REV3L: variants seen among roughly 807,000 people sequenced by gnomAD.
REV3L encodes the protein REV3 like, DNA directed polymerase zeta catalytic subunit.
A neutral mutation model predicts 299.4 loss-of-function variants in REV3L; 69 were observed. The observed-to-expected ratio is 0.23, with a 90% CI of 0.19 to 0.28. The LOEUF is 0.28. Ranked by LOEUF, REV3L falls within the 10% of genes least tolerant of loss-of-function variation. The probability of loss-of-function intolerance (pLI) is 1.00; values close to 1 mark genes in which losing one functional copy is unlikely to be tolerated. For missense variants in REV3L, 3,128 were observed against 3,693.8 expected (o/e 0.85, Z 3.97); for synonymous variants, 1,238 against 1,271.4 (o/e 0.97, Z 0.56).
chr6:111,341,995 GCCTTTGCC>G (rs1776541741), intron 21 of REV3L, among the ~76,000 whole-genome samples: 2 of 151,910 alleles, frequency 1.3e-5, no homozygotes, highest in Admixed American at 1.3e-4. Flanking sequence ...AAAAACAGAG[GCCTTTGCC>G]CTAGAGAAAG....
intron 6 of REV3L, 113 bp from the exon 7 acceptor site, chr6:111,389,323 G>T: frequency 2.6e-6 from 2 of 768,260 alleles, no homozygotes; most frequent in Non-Finnish European, 4.3e-6. Context: ...CATATTTTGT[G>T]TAATAAAGTG....
intron 1 of REV3L, among the ~76,000 whole-genome samples, chr6:111,449,401 C>CAA (rs35443222): frequency 0.61 from 92,344 of 151,860 alleles, 31,961 homozygotes; most frequent in Non-Finnish European, 0.78. Flanking sequence ...AAGAGAACTG[C>CAA]AGAGACAGAC....
chr6:111,447,258 G>GA (rs1788971838), intron 1 of REV3L, among the ~76,000 whole-genome samples: 1 of 152,150 alleles, frequency 6.6e-6, no homozygotes, highest in South Asian at 2.1e-4. Flanking sequence ...GATGTGTTCT[G>GA]AATCACCAGT....
chr6:111,373,759 T>C lies in REV3L; in HGVS notation c.4596A>G (p.Glu1532=), dbSNP rs201564932. The change falls in exon 13 of 32, where the codon GAA becomes GAG. Residue 1532 remains glutamate (E), a synonymous_variant. Coordinates refer to ENST00000368802, the MANE Select transcript of REV3L (RefSeq NM_001372078.1). ...CTTTCTGCTGTCTTTTTTGTAACAA[T>C]TCTTTTAGAACTGCCAGTCCAGACT... ...EGQSGLAVLK[E]LLQKRQQKAQ... 2.2e-4 allele frequency: 359 copies of C among 1,614,070 alleles called. 4 individuals carry two copies. In the South Asian group the frequency reaches 3.1e-3, roughly 14 times the overall value.
intron 31 of REV3L, among the ~76,000 whole-genome samples, chr6:111,301,513 A>G (rs560007827): frequency 6.6e-5 from 10 of 152,272 alleles, no homozygotes; most frequent in Admixed American, 3.9e-4. Flanking sequence ...TTCAAAAAAA[A>G]AAAAAATCAA....
rs993224245 is a variant in REV3L, at chr6:111,373,680, T to C, written c.4675A>G (p.Lys1559Glu). Reference protein sequence around the residue: ...DPLSNKHQPNKNISGSLEHNK... With the variant: ...DPLSNKHQPNENISGSLEHNK... ...TGCTCAAGGGAACCAGAAATATTTT[T>C]ATTTGGTTGATGTTTATTGGATAAT... Residue 1559 changes from lysine to glutamate, a missense_variant, in exon 13 of 32, where the codon AAA (lysine) becomes GAA (glutamate). Transcript: ENST00000368802. 1 of 1,614,054 alleles carries C rather than the reference T, an allele frequency of 6.2e-7. No individual in the cohort carries two copies. Among genetic ancestry groups the C allele is most frequent in the South Asian group, 1.1e-5 (1 of 91,054 alleles).
chr6:111,300,241 C>A, intron 31 of REV3L, 85 bp from the exon 32 acceptor site: 2 of 1,084,042 alleles, frequency 1.8e-6, no homozygotes, highest in Non-Finnish European at 2.6e-6. Context: ...TCCCTACTTT[C>A]TAGACTACCA....
chr6:111,481,297 CAA>C (rs1204928323), intron 1 of REV3L, among the ~76,000 whole-genome samples: 1 of 152,128 alleles, frequency 6.6e-6, no homozygotes, highest in Non-Finnish European at 1.5e-5. Context: ...CAATTGGAAA[CAA>C]AGACAGCACC....
intron 4 of REV3L, among the ~76,000 whole-genome samples, chr6:111,403,491 G>GT (rs1392914727): frequency 1.3e-5 from 2 of 152,038 alleles, no homozygotes; most frequent in African/African-American, 4.8e-5. Context: ...GTCACATTTT[G>GT]GTTCCTCTTG....
chr6:111,423,514 AAG>A (rs1006774235), intron 1 of REV3L, among the ~76,000 whole-genome samples: 1 of 152,098 alleles, frequency 6.6e-6, no homozygotes, highest in East Asian at 1.9e-4. Context: ...GAGAAAGAAA[AAG>A]AGTATGAGAG....
At chr6:111,481,178 A>G (rs188421992) in intron 1 of REV3L, among the ~76,000 whole-genome samples, 17 of 152,330 alleles carry the variant, frequency 1.1e-4, no homozygotes, top group Admixed American at 1.0e-3. Context: ...ATATCCTATT[A>G]GCATGTCACT....
rs1025513258 is a variant in REV3L, at chr6:111,461,986, C to G, written c.139+20764G>C. The stretch of plus-strand genomic sequence containing the variant: ...TGTCAAAATGAAAGACAGAGATTAT[C>G]AGACTGGATAAACAAGTAAGCCCAT... On this transcript the variant is annotated intron_variant, in intron 1 of 31. Transcript: ENST00000368802. 2.0e-5 allele frequency among the ~76,000 whole-genome samples: 3 copies of G among 152,074 alleles called. No individual in the cohort carries two copies. The South Asian group carries it at 6.2e-4, about 32-fold the overall frequency.
chr6:111,406,387 C>A (rs1463341696), intron 3 of REV3L, among the ~76,000 whole-genome samples: 1 of 152,054 alleles, frequency 6.6e-6, no homozygotes, highest in Non-Finnish European at 1.5e-5. Flanking sequence ...GCATGAAGAG[C>A]CTGTTAAGAC....
At chr6:111,421,085 G>A (rs930796297) in intron 1 of REV3L, among the ~76,000 whole-genome samples, 12 of 152,066 alleles carry the variant, frequency 7.9e-5, no homozygotes, top group Non-Finnish European at 1.2e-4. Flanking sequence ...CCAAGATCGC[G>A]CCAATGCACT....
At chr6:111,353,750 G>A (rs1777806714) in intron 18 of REV3L, 1 of 152,164 alleles carries the variant, frequency 6.6e-6, no homozygotes, top group African/African-American at 2.4e-5. Flanking sequence ...CAAGGAAAGA[G>A]AAATATCCCA....
intron 1 of REV3L, among the ~76,000 whole-genome samples, chr6:111,435,082 A>G (rs547760955): frequency 2.0e-5 from 3 of 152,210 alleles, no homozygotes; most frequent in Admixed American, 1.3e-4. Context: ...GCACACGCCT[A>G]TAGTCCCAGC....
rs183422539 is a variant in REV3L at position 111,321,173 on chromosome 6, C to G, written c.8351+1396G>C. Among the ~76,000 whole-genome samples the G allele has an allele frequency of 7.9e-5, 12 of 152,278 alleles. No homozygotes were observed. The East Asian group carries it at 2.3e-3, about 29-fold the overall frequency. On this transcript the variant is annotated intron_variant, in intron 26 of 31. Coordinates refer to ENST00000368802, the MANE Select transcript of REV3L (RefSeq NM_001372078.1). The stretch of plus-strand genomic sequence containing the variant: ...AGGGAAATTTGTTCTTAATAAGCAT[C>G]ACTTGAGGCACATTCTAAGCTCTCC...
At chr6:111,308,220 A>G in intron 30 of REV3L, 1 of 450,584 alleles carries the variant, frequency 2.2e-6, no homozygotes, top group Non-Finnish European at 4.4e-6. Flanking sequence ...AGTCTTTGCT[A>G]TTGTGAATAG....
At chr6:111,353,147 C>T (rs17539875) in intron 18 of REV3L, among the ~76,000 whole-genome samples, 16,337 of 152,150 alleles carry the variant, frequency 0.11, 1,159 homozygotes, top group Middle Eastern at 0.2. Context: ...ATACCCTAAG[C>T]CTCAGCCAAT....
Sources: gnomAD v4.1 joint callset for allele counts (sites outside exome capture counted in the v4.1 genomes callset) on GRCh38, gnomAD v4.1.1 for gene constraint, MANE v1.5 for transcripts, NCBI Gene and HGNC (gene_info 2026-07-23, HGNC 2026-07-21) for gene names.